RPRD2: variants seen among roughly 807,000 people sequenced by gnomAD.
RPRD2 encodes regulation of nuclear pre-mRNA domain containing 2.
Under a neutral mutation model 104.4 loss-of-function variants are expected in RPRD2, and 12 were observed. The observed-to-expected ratio is 0.11, with a 90% CI of 0.07 to 0.19. The LOEUF (loss-of-function observed/expected upper bound fraction) is 0.19. Ranked by LOEUF, RPRD2 falls within the 10% of genes least tolerant of loss-of-function variation. The probability of loss-of-function intolerance (pLI) is 1.00; values close to 1 mark genes in which losing one functional copy is unlikely to be tolerated. For synonymous variants in RPRD2, 714 were observed against 684.9 expected (o/e 1.04, Z -0.66); for missense variants, 1,543 against 1,790.1 (o/e 0.86, Z 2.49).
intron 1 of RPRD2, among the ~76,000 whole-genome samples, chr1:150,405,263 ATAC>A (rs1350642785): frequency 5.3e-5 from 8 of 152,342 alleles, no homozygotes; most frequent in African/African-American, 1.9e-4. Flanking sequence ...GAATGTTAAC[ATAC>A]TACTCAGATT....
rs935578569 is a variant in RPRD2, at chr1:150,475,172, T to G, written c.*1838T>G. 1 of 152,076 alleles carries G rather than the reference T, an allele frequency of 6.6e-6. No homozygotes were observed. The highest frequency in any genetic ancestry group is 1.9e-4 in the East Asian group (1 of 5,202). 9.4% of individuals were successfully genotyped at this position (152,076 alleles called of 1,614,324 possible). On this transcript the variant is annotated 3_prime_UTR_variant, in exon 11 of 11. Transcript: ENST00000369068. ...ATGACCTTACGTGTGGGATGGGGTA[T>G]GTAGTGTAGCAAAGAAAAGAAAGTA...
At chr1:150,377,682 A>G (rs1476141384) in intron 1 of RPRD2, among the ~76,000 whole-genome samples, 1 of 151,770 alleles carries the variant, frequency 6.6e-6, no homozygotes, top group African/African-American at 2.4e-5. Context: ...TATGAGTTTT[A>G]TATGCTCTAA....
chr1:150,420,142 G>C (rs1359284483), intron 2 of RPRD2, among the ~76,000 whole-genome samples: 2 of 152,140 alleles, frequency 1.3e-5, no homozygotes, highest in Non-Finnish European at 2.9e-5. Flanking sequence ...CAATACACCA[G>C]AGTTTCTGCT....
At chr1:150,369,925 C>T (rs1413578340) in intron 1 of RPRD2, among the ~76,000 whole-genome samples, 1 of 151,926 alleles carries the variant, frequency 6.6e-6, no homozygotes, top group Non-Finnish European at 1.5e-5. Context: ...GGATTACAGG[C>T]ACATGCCACC....
intron 1 of RPRD2, among the ~76,000 whole-genome samples, chr1:150,404,894 A>G (rs782505165): frequency 2.6e-5 from 4 of 152,182 alleles, no homozygotes; most frequent in Non-Finnish European, 4.4e-5. Flanking sequence ...CCATTATTAC[A>G]TATTGTTATT....
At chr1:150,461,934 C>T (rs898272784) in intron 9 of RPRD2, among the ~76,000 whole-genome samples, 6 of 151,164 alleles carry the variant, frequency 4.0e-5, no homozygotes, top group Non-Finnish European at 7.4e-5. Context: ...GAGCCAGGAT[C>T]GCGCCACTGC....
intron 7 of RPRD2, among the ~76,000 whole-genome samples, chr1:150,448,394 C>T: frequency 6.6e-6 from 1 of 152,054 alleles, no homozygotes; most frequent in Non-Finnish European, 1.5e-5. Flanking sequence ...GTCTTGAACT[C>T]CTGGCCTCAA....
chr1:150,391,438 G>A (rs1662053852), intron 1 of RPRD2, among the ~76,000 whole-genome samples: 1 of 152,050 alleles, frequency 6.6e-6, no homozygotes, highest in East Asian at 1.9e-4. Context: ...ATAGGTGTGA[G>A]CCACCACACT....
At chr1:150,450,461 G>A (rs1293813817) in intron 7 of RPRD2, among the ~76,000 whole-genome samples, 2 of 151,242 alleles carry the variant, frequency 1.3e-5, no homozygotes, top group Admixed American at 6.6e-5. Flanking sequence ...AAAAAAATTA[G>A]GTGGGCGTGG....
intron 1 of RPRD2, among the ~76,000 whole-genome samples, chr1:150,372,972 A>G (rs1660428458): frequency 6.6e-6 from 1 of 151,786 alleles, no homozygotes; most frequent in South Asian, 2.1e-4. Context: ...TTTTATTCAG[A>G]GTGAGATGGT....
rs1218334353 is a variant in RPRD2 at position 150,433,382 on chromosome 1, TATATATA to T, written c.336-7526_336-7520del. Among the ~76,000 whole-genome samples the T allele has an allele frequency of 1.5e-4, 22 of 148,164 alleles. No individual in the cohort carries two copies. In the East Asian group the frequency reaches 3.3e-3, roughly 22 times the overall value. ...GACAGACCCTCTCTCTCTCTGTCTG[TATATATA>T]ATATATAATATATATATACTATATA... On this transcript the variant is annotated intron_variant, in intron 2 of 10. Coordinates refer to ENST00000369068, the MANE Select transcript of RPRD2 (RefSeq NM_015203.5).
rs1247392065 is a variant in RPRD2, at chr1:150,472,714, C to T, written c.3766C>T (p.Pro1256Ser). 1.9e-6 allele frequency: 3 copies of T among 1,613,454 alleles called. No homozygotes were observed. The highest frequency in any genetic ancestry group is 1.1e-5 in the South Asian group (1 of 91,076). Residue 1256 changes from proline to serine, a missense_variant, in exon 11 of 11, where the codon CCC (proline) becomes TCC (serine). Coordinates refer to ENST00000369068, the MANE Select transcript of RPRD2 (RefSeq NM_015203.5). The part of the protein sequence containing the change: ...KEAALAHAAP[P>S]PPPGEHSGIP... ...GGCAGCCCTGGCCCATGCTGCCCCA[C>T]CCCCTCCTCCTGGAGAGCACAGTGG...
intron 1 of RPRD2, 128 bp from the exon 2 acceptor site, chr1:150,417,468 A>T: frequency 1.5e-6 from 1 of 676,148 alleles, no homozygotes; most frequent in Non-Finnish European, 2.3e-6. Context: ...AATTACATTC[A>T]TCTTTTTATA....
intron 1 of RPRD2, among the ~76,000 whole-genome samples, chr1:150,410,536 A>C (rs913171243): frequency 6.6e-6 from 1 of 152,208 alleles, no homozygotes; most frequent in African/African-American, 2.4e-5. Flanking sequence ...AAGTTTCAAG[A>C]GTATTACAGA....
chr1:150,364,852 T>G lies in RPRD2; in HGVS notation c.138T>G (p.Ser46=). The change falls in exon 1 of 11, where the codon TCT becomes TCG. Residue 46 remains serine, a synonymous_variant. Coordinates refer to ENST00000369068, the MANE Select transcript of RPRD2 (RefSeq NM_015203.5). ...TGGAGTCCATTCAAGGCTTGTCGTC[T>G]TGGTGTATAGAGAACAAAAAACACC... The part of the protein sequence containing the change: ...NTMESIQGLS[S]WCIENKKHHS... 1 of 1,613,950 alleles carries G rather than the reference T, an allele frequency of 6.2e-7. No individual in the cohort carries two copies. Among genetic ancestry groups the G allele is most frequent in the Non-Finnish European group, 8.5e-7 (1 of 1,179,812 alleles).
At chr1:150,460,743 T>C (rs587634269) in intron 9 of RPRD2, among the ~76,000 whole-genome samples, 45 of 149,228 alleles carry the variant, frequency 3.0e-4, no homozygotes, top group African/African-American at 1.0e-3. Context: ...TTTTTTTTTT[T>C]CTGAGACGGA....
intron 6 of RPRD2, among the ~76,000 whole-genome samples, chr1:150,444,966 T>A (rs1463333070): frequency 3.9e-5 from 6 of 152,158 alleles, no homozygotes; most frequent in African/African-American, 1.4e-4. Context: ...GCAGGAGGAC[T>A]GCTTGAGACC....
At position 150,472,574 on chromosome 1, in the gene RPRD2, C is replaced by T. The variant is rs773432875; in HGVS notation, c.3626C>T (p.Pro1209Leu). 1.2e-6 allele frequency: 2 copies of T among 1,613,942 alleles called. No homozygotes were observed. Among genetic ancestry groups the T allele is most frequent in the Non-Finnish European group, 8.5e-7 (1 of 1,179,832 alleles). Residue 1209 changes from proline to leucine, a missense_variant, in exon 11 of 11, where the codon CCA becomes CTA. This residue lies in a region of RPRD2 where 880 missense variants were observed against 885.6 expected (regional missense o/e 0.99). Transcript: ENST00000369068. ...CATGGGACACCCTTCCAGAGAGAGC[C>T]AGTGGGGCCATCATCTGCCCCACCT... The part of the protein sequence containing the change: ...LEHGTPFQRE[P>L]VGPSSAPPVP...
intron 1 of RPRD2, among the ~76,000 whole-genome samples, chr1:150,381,728 T>A (rs1661147016): frequency 6.6e-6 from 1 of 151,946 alleles, no homozygotes; most frequent in Non-Finnish European, 1.5e-5. Flanking sequence ...ATGGTCTCGA[T>A]CTCCTAACCT....
Sources: allele counts gnomAD v4.1 joint callset (sites outside exome capture counted in the v4.1 genomes callset), GRCh38; gene constraint gnomAD v4.1.1; regional missense constraint gnomAD v4.1.1; transcripts MANE v1.5; gene names NCBI Gene and HGNC (gene_info 2026-07-23, HGNC 2026-07-21).